Variants in MRPS31 observed in about 807,000 individuals in gnomAD.
MRPS31 encodes the protein small ribosomal subunit protein mS31.
Under a neutral mutation model 43.1 loss-of-function variants are expected in MRPS31, and 32 were observed. The observed-to-expected ratio is 0.74, with a 90% CI of 0.56 to 1.00. The LOEUF is 1.00. Ranked by LOEUF, MRPS31 falls within the 50% of genes least tolerant of loss-of-function variation. MRPS31 has a pLI of 0.00. For synonymous variants in MRPS31, 165 were observed against 161.6 expected, an observed-to-expected ratio of 1.02 and a Z score of -0.16; for missense variants, 437 against 466.7, an observed-to-expected ratio of 0.94 and a Z score of 0.59.
intron 6 of MRPS31, among the ~76,000 whole-genome samples, chr13:40,730,386 G>C (rs78032251): frequency 4.0e-5 from 6 of 151,886 alleles, no homozygotes; most frequent in African/African-American, 1.4e-4. Context: ...TTAGCCAGGC[G>C]TGATGGCATG....
Position 40,756,890 on chromosome 13 carries a change from C to T in MRPS31, c.723G>A (p.Thr241=), listed in dbSNP as rs35247606. 91 of 1,612,636 alleles carry T rather than the reference C, an allele frequency of 5.6e-5. No homozygotes were observed. The highest frequency in any genetic ancestry group is 1.6e-4 in the Middle Eastern group (1 of 6,080). ...GYDNYPGQEK[T]DDLKKRKNIF... is the part of the protein sequence containing the mutation. ...CCTGATACCTTTTTTTAAGATCATC[C>T]GTCTTCTCCTGGCCAGGATAATTGT... The change falls in exon 4 of 7, where the codon ACG becomes ACA. Residue 241 remains threonine, a synonymous_variant. Transcript: ENST00000323563.
At chr13:40,755,210 G>C (rs918779669) in intron 4 of MRPS31, among the ~76,000 whole-genome samples, 1 of 152,020 alleles carries the variant, frequency 6.6e-6, no homozygotes, top group Non-Finnish European at 1.5e-5. Context: ...CCTCTAACAG[G>C]TTCCAAGTTA....
chr13:40,770,897 T>C lies in MRPS31; in HGVS notation c.152+88A>G, dbSNP rs542258635. 50 of 1,519,304 alleles carry C rather than the reference T, an allele frequency of 3.3e-5. No individual in the cohort carries two copies. In the East Asian group the frequency reaches 8.8e-4, roughly 27 times the overall value. 94.1% of individuals were successfully genotyped at this position (1,519,304 alleles called of 1,614,324 possible). A position where few individuals can be genotyped will look rare whatever the true frequency, so the allele number is the denominator to read the frequency against. On this transcript the variant is annotated intron_variant, in intron 1 of 6. Coordinates refer to ENST00000323563, the MANE Select transcript of MRPS31 (RefSeq NM_005830.4). ...TTCTCTTTCCTCAGATTTAAAGCAA[T>C]AGCTTCTAAGACCCAGCAGGTGGTA...
intron 6 of MRPS31, among the ~76,000 whole-genome samples, chr13:40,740,936 T>TA (rs145793269): frequency 9.1e-5 from 11 of 121,122 alleles, no homozygotes; most frequent in African/African-American, 1.7e-4. Context: ...TAAAGTATAA[T>TA]AAAAAAAAAT....
chr13:40,747,507 C>T (rs1199001693), intron 6 of MRPS31, among the ~76,000 whole-genome samples: 1 of 152,084 alleles, frequency 6.6e-6, no homozygotes, highest in African/African-American at 2.4e-5. Context: ...CCTTCCAGAA[C>T]ACAGAAACCA....
intron 6 of MRPS31, 69 bp downstream of exon 6, chr13:40,749,069 T>C: frequency 6.7e-7 from 1 of 1,491,050 alleles, no homozygotes. Context: ...ATCTATACTC[T>C]AAAAGTAAAT....
chr13:40,761,917 A>C (rs888275205), intron 2 of MRPS31, among the ~76,000 whole-genome samples: 2 of 150,754 alleles, frequency 1.3e-5, no homozygotes, highest in African/African-American at 4.9e-5. Flanking sequence ...AAAGAAAATA[A>C]ACAGAAAAAA....
In MRPS31 at chr13:40,766,900, T is replaced by C. The variant is rs774026133; in HGVS notation, c.286A>G (p.Lys96Glu). The change falls in exon 2 of 7, where the codon AAA becomes GAA. Residue 96 changes from lysine (K) to glutamate (E), a missense_variant. Lys to Glu is a moderately conservative substitution (Grantham distance 56, BLOSUM62 1). Coordinates refer to ENST00000323563, the MANE Select transcript of MRPS31 (RefSeq NM_005830.4). ...ESQDSEKENTKKDLLGIIKGM... is the reference protein window; with the variant it reads ...ESQDSEKENTEKDLLGIIKGM... ...TTAATAATGCCTAACAAGTCTTTTTTCGTATTTTCCTTTTCACTGTCTTGG... is the reference window on the plus strand; with the variant it reads ...TTAATAATGCCTAACAAGTCTTTTTCCGTATTTTCCTTTTCACTGTCTTGG... 5.5e-5 allele frequency: 89 copies of C among 1,614,062 alleles called. No individual in the cohort carries two copies. Among genetic ancestry groups the C allele is most frequent in the Non-Finnish European group, 6.9e-5 (81 of 1,180,042 alleles).
intron 2 of MRPS31, among the ~76,000 whole-genome samples, chr13:40,761,857 T>C (rs938225861): frequency 2.7e-5 from 4 of 150,246 alleles, no homozygotes; most frequent in Non-Finnish European, 3.0e-5. Flanking sequence ...AAAAAATATA[T>C]ATATGCACAT....
intron 2 of MRPS31, among the ~76,000 whole-genome samples, chr13:40,764,334 C>A (rs1880783845): frequency 6.6e-6 from 1 of 152,076 alleles, no homozygotes; most frequent in Non-Finnish European, 1.5e-5. Context: ...ACTTATAATA[C>A]CTAATTATGT....
chr13:40,746,996 T>C (rs552826435), intron 6 of MRPS31, among the ~76,000 whole-genome samples: 1 of 152,282 alleles, frequency 6.6e-6, no homozygotes, highest in Admixed American at 6.5e-5. Context: ...ACTCAGGATC[T>C]GGAACTTCTA....
intron 6 of MRPS31, among the ~76,000 whole-genome samples, chr13:40,738,322 G>A (rs1331596679): frequency 3.9e-5 from 6 of 152,102 alleles, no homozygotes; most frequent in Admixed American, 3.9e-4. Flanking sequence ...AAAGAGTCCA[G>A]GACCAGATGG....
At chr13:40,770,868 G>T in intron 1 of MRPS31, 117 bp downstream of exon 1, 1 of 1,333,664 alleles carries the variant, frequency 7.5e-7, no homozygotes, top group Non-Finnish European at 1.1e-6. Context: ...TTTCTTTCTG[G>T]GATTTCTCTT....
At chr13:40,763,225 GA>G (rs1419427697) in intron 2 of MRPS31, among the ~76,000 whole-genome samples, 2 of 152,162 alleles carry the variant, frequency 1.3e-5, no homozygotes, top group Non-Finnish European at 2.9e-5. Flanking sequence ...TCGGGAAGAT[GA>G]AAGACAGAAC....
chr13:40,763,052 G>A (rs1880747421), intron 2 of MRPS31, among the ~76,000 whole-genome samples: 1 of 152,224 alleles, frequency 6.6e-6, no homozygotes, highest in Non-Finnish European at 1.5e-5. Flanking sequence ...GATCAATTAA[G>A]TGAGTAATAG....
At chr13:40,770,791 G>C (rs1040286340) in intron 1 of MRPS31, 194 bp downstream of exon 1, 1 of 637,186 alleles carries the variant, frequency 1.6e-6, no homozygotes, top group African/African-American at 1.9e-5. Flanking sequence ...GTGTAGTAGA[G>C]CACAGCGACC....
At chr13:40,755,887 G>A (rs544983320) in intron 4 of MRPS31, among the ~76,000 whole-genome samples, 16 of 152,174 alleles carry the variant, frequency 1.1e-4, no homozygotes, top group South Asian at 4.2e-4. Flanking sequence ...AAATATTCTC[G>A]AGGATTAACT....
At chr13:40,764,759 C>A (rs778048937) in intron 2 of MRPS31, among the ~76,000 whole-genome samples, 1 of 152,188 alleles carries the variant, frequency 6.6e-6, no homozygotes, top group Non-Finnish European at 1.5e-5. Flanking sequence ...AGTGAGCAAA[C>A]TTCAGACAAT....
chr13:40,741,888 TACACACACACACACACACACACACACAC>T (rs61011673), intron 6 of MRPS31, among the ~76,000 whole-genome samples: 2 of 140,758 alleles, frequency 1.4e-5, no homozygotes, highest in Admixed American at 7.1e-5. Flanking sequence ...AGTAACAAAA[TACACACACACACACACACACACACACAC>T]ACACACACAC....
Sources: allele counts gnomAD v4.1 joint callset (sites outside exome capture counted in the v4.1 genomes callset), GRCh38; gene constraint gnomAD v4.1.1; transcripts MANE v1.5; gene names NCBI Gene and HGNC (gene_info 2026-07-23, HGNC 2026-07-21).